SPSB4: variants seen among roughly 807,000 people sequenced by gnomAD.
SPSB4 encodes SPRY domain-containing SOCS box protein 4.
SPSB4 carries 21 observed loss-of-function variants against 20.9 expected under a neutral mutation model. The observed-to-expected ratio is 1.01, with a 90% confidence interval of 0.71 to 1.45. The LOEUF is 1.45. Among genes scored for constraint, SPSB4 ranks in the 40% most tolerant of loss-of-function variants. The pLI is 0.00. For synonymous variants in SPSB4, 207 were observed against 183.8 expected, an observed-to-expected ratio of 1.13 and a Z score of -1.02; for missense variants, 399 against 399.2, an observed-to-expected ratio of 1.00 and a Z score of 0.00.
rs118061213 is a variant in SPSB4, at chr3:141,130,171, T to C, written c.695-16971T>C. ...GTAATGATACACTTGACAATTTGCA[T>C]GATTAAGTGGATTGACACCTAACAG... On this transcript the variant is annotated intron_variant, in intron 2 of 2. Coordinates refer to ENST00000310546, the MANE Select transcript of SPSB4 (RefSeq NM_080862.3). Among the ~76,000 whole-genome samples the C allele has an allele frequency of 9.1e-4, 139 of 152,330 alleles. 1 individual carries two copies. In the East Asian group the frequency reaches 0.025, roughly 27 times the overall value.
intron 2 of SPSB4, among the ~76,000 whole-genome samples, chr3:141,106,921 G>A (rs1189604940): frequency 6.6e-6 from 1 of 152,154 alleles, no homozygotes; most frequent in Non-Finnish European, 1.5e-5. Flanking sequence ...GCCTCTGTAT[G>A]GGGTCATCTT....
chr3:141,070,857 C>G (rs1337704826), intron 2 of SPSB4, among the ~76,000 whole-genome samples: 2 of 152,182 alleles, frequency 1.3e-5, no homozygotes, highest in African/African-American at 2.4e-5. Context: ...GACACGGGCA[C>G]CTTGTGGAGA....
chr3:141,098,215 C>G (rs1180830526), intron 2 of SPSB4, among the ~76,000 whole-genome samples: 1 of 152,208 alleles, frequency 6.6e-6, no homozygotes, highest in African/African-American at 2.4e-5. Context: ...GCTGATAGGA[C>G]CACTCCCACC....
rs150469713 is a variant in SPSB4, at chr3:141,103,837, T to A, written c.694+37039T>A. Among the ~76,000 whole-genome samples the A allele has an allele frequency of 4.1e-3, 631 of 152,178 alleles. 2 individuals carry two copies. Among genetic ancestry groups the A allele is most frequent in the African/African-American group, 0.012 (511 of 41,542 alleles). ...TGTAGTACCAAAAATGACCTTTTTT[T>A]TTTTTTTCCTTCTAATTCTGAATCC... On this transcript the variant is annotated intron_variant, in intron 2 of 2. Coordinates refer to ENST00000310546, the MANE Select transcript of SPSB4 (RefSeq NM_080862.3).
chr3:141,132,772 T>A (rs1403678461), intron 2 of SPSB4, among the ~76,000 whole-genome samples: 1 of 152,216 alleles, frequency 6.6e-6, no homozygotes, highest in Non-Finnish European at 1.5e-5. Flanking sequence ...CATGTGCAAC[T>A]GTCTTGTTCA....
rs566285464 is a variant in SPSB4 at position 141,087,069 on chromosome 3, C to A, written c.694+20271C>A. Among the ~76,000 whole-genome samples the A allele has an allele frequency of 2.0e-5, 3 of 152,310 alleles. No individual in the cohort carries two copies. The East Asian group carries it at 5.8e-4, about 29-fold the overall frequency. On this transcript the variant is annotated intron_variant, in intron 2 of 2. Transcript: ENST00000310546. ...AGGGCCAGCTGCCTGGAAGATGACA[C>A]GCGCACAGCACAGAGGACTAGGGCT...
chr3:141,098,267 G>GT (rs1399556278), intron 2 of SPSB4, among the ~76,000 whole-genome samples: 3 of 152,030 alleles, frequency 2.0e-5, no homozygotes, highest in Non-Finnish European at 4.4e-5. Flanking sequence ...CGTCTTTTGT[G>GT]TTTGTTTTTT....
rs1266425013 is a variant in SPSB4 at position 141,089,436 on chromosome 3, GTAACA to G, written c.694+22639_694+22643del. Among the ~76,000 whole-genome samples, 8 of 152,316 alleles carry G rather than the reference GTAACA, an allele frequency of 5.3e-5. No individual in the cohort carries two copies. The South Asian group carries it at 1.2e-3, about 24-fold the overall frequency. ...GTGAAAGGAGGGCTGTGCAGAGGAG[GTAACA>G]CTCTGAGTCCTGAAATCTGGGTATT... On this transcript the variant is annotated intron_variant, in intron 2 of 2. Transcript: ENST00000310546.
intron 1 of SPSB4, among the ~76,000 whole-genome samples, 199 bp downstream of exon 1, chr3:141,052,191 T>C (rs1284624181): frequency 6.6e-6 from 1 of 152,162 alleles, no homozygotes; most frequent in Non-Finnish European, 1.5e-5. Context: ...GCCCGGCCTT[T>C]GGTATCATGG....
At chr3:141,105,659 A>G (rs576633080) in intron 2 of SPSB4, among the ~76,000 whole-genome samples, 73 of 152,356 alleles carry the variant, frequency 4.8e-4, no homozygotes, top group African/African-American at 1.6e-3. Flanking sequence ...TTTCAAAGCC[A>G]GGCGGGTCTG....
At chr3:141,100,538 C>G (rs1037128091) in intron 2 of SPSB4, among the ~76,000 whole-genome samples, 1 of 152,222 alleles carries the variant, frequency 6.6e-6, no homozygotes, top group Non-Finnish European at 1.5e-5. Flanking sequence ...GAAACCAACC[C>G]TGTAGACACC....
At chr3:141,115,716 T>A (rs1004164928) in intron 2 of SPSB4, among the ~76,000 whole-genome samples, 1 of 152,242 alleles carries the variant, frequency 6.6e-6, no homozygotes, top group African/African-American at 2.4e-5. Context: ...AACTATTATT[T>A]TGTATCATGG....
chr3:141,139,429 C>T (rs982326536), intron 2 of SPSB4, among the ~76,000 whole-genome samples: 8 of 152,182 alleles, frequency 5.3e-5, no homozygotes, highest in African/African-American at 1.4e-4. Context: ...TCTTCCTAGC[C>T]TCGATGGTCT....
intron 2 of SPSB4, among the ~76,000 whole-genome samples, chr3:141,081,749 T>G (rs1263589876): frequency 1.3e-5 from 2 of 152,128 alleles, no homozygotes; most frequent in African/African-American, 4.8e-5. Flanking sequence ...GAGCCTCCAT[T>G]TCTTTGTGGG....
intron 2 of SPSB4, among the ~76,000 whole-genome samples, chr3:141,117,956 A>G (rs1418377099): frequency 2.6e-5 from 4 of 152,248 alleles, no homozygotes; most frequent in Non-Finnish European, 5.9e-5. Flanking sequence ...TAGTGCTGCA[A>G]TAAACATACG....
chr3:141,068,240 G>A (rs565384987), intron 2 of SPSB4, among the ~76,000 whole-genome samples: 6 of 152,280 alleles, frequency 3.9e-5, no homozygotes, highest in East Asian at 3.9e-4. Flanking sequence ...TTTTATTTCC[G>A]TGGTTGTTGC....
intron 1 of SPSB4, among the ~76,000 whole-genome samples, chr3:141,063,129 C>T (rs1475652152): frequency 1.3e-5 from 2 of 152,206 alleles, no homozygotes; most frequent in Non-Finnish European, 2.9e-5. Context: ...TCACTTAAAA[C>T]CTTTTGTCCT....
In SPSB4 at chr3:141,066,618, G is replaced by T. The variant is rs772230927; in HGVS notation, c.514G>T (p.Ala172Ser). 3.7e-6 allele frequency: 6 copies of T among 1,604,022 alleles called. No individual in the cohort carries two copies. In the South Asian group the frequency reaches 4.5e-5, roughly 12 times the overall value. ...CTTTCTGGGGCCCGACGAGGCCTTT[G>T]CGCTGCCCGACTCGCTGCTCGTGGT... ...PAFLGPDEAFALPDSLLVVLD... is the reference protein window; with the variant it reads ...PAFLGPDEAFSLPDSLLVVLD... The change falls in exon 2 of 3, where the codon GCG (alanine) becomes TCG (serine). Residue 172 changes from alanine to serine, a missense_variant. Coordinates refer to ENST00000310546, the MANE Select transcript of SPSB4 (RefSeq NM_080862.3).
intron 2 of SPSB4, among the ~76,000 whole-genome samples, chr3:141,135,550 T>A (rs1172581668): frequency 6.7e-6 from 1 of 149,662 alleles, no homozygotes; most frequent in Non-Finnish European, 1.5e-5. Context: ...TGTCCATGTG[T>A]TCTCATTGTT....
Sources: allele counts gnomAD v4.1 joint callset (sites outside exome capture counted in the v4.1 genomes callset), GRCh38; gene constraint gnomAD v4.1.1; transcripts MANE v1.5; gene names NCBI Gene and HGNC (gene_info 2026-07-23, HGNC 2026-07-21).